Variants in NME7 observed in about 807,000 individuals in gnomAD.
NME7 encodes NME/NM23 family member 7.
In NME7, 41 loss-of-function variants were observed where a neutral mutation model predicts 49.1. The observed-to-expected ratio is 0.83, with a 90% CI of 0.65 to 1.08. The LOEUF (loss-of-function observed/expected upper bound fraction) is 1.08, where lower values mean the gene tolerates loss of function less well. Among genes scored for constraint, NME7 ranks in the 50% least tolerant of loss-of-function variants. The pLI is 0.00. For missense variants in NME7, 423 were observed against 463.4 expected, an observed-to-expected ratio of 0.91 and a Z score of 0.80; for synonymous variants, 139 against 150.6, an observed-to-expected ratio of 0.92 and a Z score of 0.56.
intron 11 of NME7, among the ~76,000 whole-genome samples, chr1:169,134,667 G>A (rs1168935006): frequency 6.6e-6 from 1 of 152,052 alleles, no homozygotes; most frequent in Non-Finnish European, 1.5e-5. Flanking sequence ...ATGTTACCTA[G>A]CTAGGATTTT....
intron 7 of NME7, among the ~76,000 whole-genome samples, chr1:169,268,533 C>A (rs1649389409): frequency 7.5e-6 from 1 of 133,372 alleles, no homozygotes; most frequent in Non-Finnish European, 1.8e-5. Flanking sequence ...ATAAAAGTAA[C>A]CTAAATGCCC....
chr1:169,132,653 G>T lies in NME7; in HGVS notation c.*132C>A. ...CTAACATATGTAATAATTGCCAGGA[G>T]TACAGTGCTCTTGTTGATCTTGTAT... On this transcript the variant is annotated 3_prime_UTR_variant, in exon 12 of 12. Coordinates refer to ENST00000367811, the MANE Select transcript of NME7 (RefSeq NM_013330.5). The T allele has an allele frequency of 1.3e-6, 1 of 775,494 alleles. No individual in the cohort carries two copies. The highest frequency in any genetic ancestry group is 2.1e-6 in the Non-Finnish European group (1 of 478,020). 48.0% of individuals were successfully genotyped at this position (775,494 alleles called of 1,614,324 possible). A position where few individuals can be genotyped will look rare whatever the true frequency, so the allele number is the denominator to read the frequency against.
chr1:169,259,573 T>C (rs1165598224), intron 7 of NME7, among the ~76,000 whole-genome samples: 2 of 134,176 alleles, frequency 1.5e-5, no homozygotes, highest in Admixed American at 1.5e-4. Context: ...TAAATTTTTC[T>C]ACTAAGATGA....
intron 10 of NME7, among the ~76,000 whole-genome samples, chr1:169,191,918 C>T (rs1356333011): frequency 6.6e-6 from 1 of 152,152 alleles, no homozygotes; most frequent in African/African-American, 2.4e-5. Context: ...AGCTGCATCA[C>T]ATCACATGGG....
At chr1:169,302,996 T>C in intron 5 of NME7, 149 bp downstream of exon 5, 1 of 467,430 alleles carries the variant, frequency 2.1e-6, no homozygotes, top group Non-Finnish European at 3.9e-6. Context: ...AGACAGAGAA[T>C]ATAATTCTTA....
At chr1:169,300,704 C>G (rs1650902008) in intron 5 of NME7, among the ~76,000 whole-genome samples, 1 of 152,040 alleles carries the variant, frequency 6.6e-6, no homozygotes, top group Non-Finnish European at 1.5e-5. Flanking sequence ...GCTACAGTAA[C>G]CAAAACATCA....
At chr1:169,278,734 C>G (rs1235848433) in intron 7 of NME7, among the ~76,000 whole-genome samples, 1 of 152,218 alleles carries the variant, frequency 6.6e-6, no homozygotes, top group Middle Eastern at 3.2e-3. Context: ...TGAGGAACTG[C>G]GTTCCTTTGG....
chr1:169,243,330 T>A (rs1648170061), intron 7 of NME7, among the ~76,000 whole-genome samples: 1 of 152,038 alleles, frequency 6.6e-6, no homozygotes, highest in Non-Finnish European at 1.5e-5. Context: ...GGAAATAAAG[T>A]CTCCAAGAAA....
chr1:169,354,988 T>G (rs1238414545), intron 1 of NME7, among the ~76,000 whole-genome samples: 1 of 47,416 alleles, frequency 2.1e-5, no homozygotes, highest in African/African-American at 5.7e-5. Context: ...TATGTTTATA[T>G]ATAATATAAT....
chr1:169,181,629 A>G (rs954513350), intron 10 of NME7, among the ~76,000 whole-genome samples: 1 of 152,172 alleles, frequency 6.6e-6, no homozygotes, highest in African/African-American at 2.4e-5. Context: ...TAACAAATAG[A>G]CAATTTTAAT....
chr1:169,255,922 C>T (rs1351610851), intron 7 of NME7, among the ~76,000 whole-genome samples: 1 of 133,396 alleles, frequency 7.5e-6, no homozygotes, highest in East Asian at 2.0e-4. Context: ...AGGGTTTCTG[C>T]CGAGAGATCC....
At position 169,324,505 on chromosome 1, in the gene NME7, A is replaced by T. The variant is rs771625243; in HGVS notation, c.4-5T>A. The T allele has an allele frequency of 1.9e-6, 3 of 1,558,030 alleles. No individual in the cohort carries two copies. In the East Asian group the frequency reaches 6.7e-5, roughly 35 times the overall value. ...AACGAATCTTTCACTATGATTCTGC[A>T]AAGAAAGACAGAAGAATTTTAACAC... On this transcript the variant is annotated splice_region_variant and splice_polypyrimidine_tract_variant and intron_variant, in intron 1 of 11. Coordinates refer to ENST00000367811, the MANE Select transcript of NME7 (RefSeq NM_013330.5).
chr1:169,254,450 CTCTTTTTT>C (rs1648803203), intron 7 of NME7, among the ~76,000 whole-genome samples: 1 of 151,800 alleles, frequency 6.6e-6, no homozygotes, highest in African/African-American at 2.4e-5. Context: ...AGATTCTTCT[CTCTTTTTT>C]TCTTTATTAG....
chr1:169,228,534 G>A (rs926107548), intron 10 of NME7, among the ~76,000 whole-genome samples: 7 of 151,232 alleles, frequency 4.6e-5, no homozygotes, highest in Non-Finnish European at 7.4e-5. Flanking sequence ...AAAATTAGCC[G>A]GGCGCAGTGG....
At chr1:169,175,443 T>C (rs962966463) in intron 10 of NME7, among the ~76,000 whole-genome samples, 1 of 152,174 alleles carries the variant, frequency 6.6e-6, no homozygotes, top group African/African-American at 2.4e-5. Flanking sequence ...AGTCATTTAT[T>C]ATCATTATCA....
intron 11 of NME7, among the ~76,000 whole-genome samples, chr1:169,156,906 C>G (rs182552431): frequency 5.9e-5 from 9 of 152,238 alleles, no homozygotes; most frequent in African/African-American, 2.2e-4. Flanking sequence ...GATGTTTTTA[C>G]GATGAATGTA....
chr1:169,318,476 G>C (rs1282172127), intron 3 of NME7, among the ~76,000 whole-genome samples: 2 of 152,024 alleles, frequency 1.3e-5, no homozygotes, highest in Admixed American at 6.6e-5. Context: ...GTGGATTTAG[G>C]GATAAAATAC....
chr1:169,183,803 GAAAAAAAGAAA>G (rs1245352648), intron 10 of NME7, among the ~76,000 whole-genome samples: 1 of 147,428 alleles, frequency 6.8e-6, no homozygotes, highest in East Asian at 2.0e-4. Context: ...CTCCATCTCA[GAAAAAAAGAAA>G]AAAAAAAGAA....
rs192436887 is a variant in NME7, at chr1:169,280,182, G to A, written c.754+7121C>T. 2.0e-5 allele frequency among the ~76,000 whole-genome samples: 3 copies of A among 152,278 alleles called. No homozygotes were observed. In the East Asian group the frequency reaches 5.8e-4, roughly 29 times the overall value. The stretch of plus-strand genomic sequence containing the variant: ...AACTGGTGTAAGATGGTATCTCATT[G>A]TAATTTTGATTTGCATTTCTCTAAT... On this transcript the variant is annotated intron_variant, in intron 7 of 11. Transcript: ENST00000367811.
Sources: allele counts gnomAD v4.1 joint callset (sites outside exome capture counted in the v4.1 genomes callset), GRCh38; gene constraint gnomAD v4.1.1; transcripts MANE v1.5; gene names NCBI Gene and HGNC (gene_info 2026-07-23, HGNC 2026-07-21).